The following BAG4 variants were observed in gnomAD, a reference collection of about 807,000 sequenced individuals.
The protein encoded by BAG4 is BAG cochaperone 4.
BAG4 carries 28 observed loss-of-function variants against 52.1 expected under a neutral mutation model. The observed-to-expected ratio is 0.54, with a 90% confidence interval of 0.40 to 0.74. The LOEUF (loss-of-function observed/expected upper bound fraction) is 0.74. Ranked by LOEUF, BAG4 falls within the 30% of genes least tolerant of loss-of-function variation. BAG4 has a pLI of 0.00. For missense variants in BAG4, 525 were observed against 572.0 expected, an observed-to-expected ratio of 0.92 and a Z score of 0.84; for synonymous variants, 208 against 217.0, an observed-to-expected ratio of 0.96 and a Z score of 0.37.
At chr8:38,205,311 A>G (rs982183615) in intron 2 of BAG4, among the ~76,000 whole-genome samples, 10 of 145,646 alleles carry the variant, frequency 6.9e-5, no homozygotes, top group Non-Finnish European at 1.3e-4. Flanking sequence ...TGGCTTCCCA[A>G]AACGCTGGGA....
At chr8:38,180,411 T>C (rs2130659203) in intron 1 of BAG4, among the ~76,000 whole-genome samples, 1 of 149,080 alleles carries the variant, frequency 6.7e-6, no homozygotes, top group Non-Finnish European at 1.5e-5. Context: ...TAATCCCAGC[T>C]ACTAGGGGCA....
At chr8:38,205,075 G>A (rs1803746238) in intron 2 of BAG4, among the ~76,000 whole-genome samples, 1 of 152,026 alleles carries the variant, frequency 6.6e-6, no homozygotes, top group South Asian at 2.1e-4. Flanking sequence ...CTGTCACCCA[G>A]GCTAGAGAAC....
chr8:38,191,991 T>G (rs1402080293), intron 1 of BAG4, among the ~76,000 whole-genome samples: 5 of 152,280 alleles, frequency 3.3e-5, no homozygotes, highest in African/African-American at 1.2e-4. Flanking sequence ...TTTGGATTGG[T>G]AAATGTTCTG....
chr8:38,179,680 C>T (rs1320232355), intron 1 of BAG4, among the ~76,000 whole-genome samples: 1 of 151,770 alleles, frequency 6.6e-6, no homozygotes, highest in Non-Finnish European at 1.5e-5. Context: ...GCAGGAGAAT[C>T]GCTTGAACCC....
At chr8:38,207,946 G>T (rs1403115758) in intron 3 of BAG4, among the ~76,000 whole-genome samples, 180 bp downstream of exon 3, 2 of 87,580 alleles carry the variant, frequency 2.3e-5, no homozygotes, top group African/African-American at 8.9e-5. Flanking sequence ...TTGGCTGAAG[G>T]TCATAATCAT....
intron 1 of BAG4, among the ~76,000 whole-genome samples, chr8:38,183,137 C>T (rs552664846): frequency 4.0e-5 from 6 of 151,422 alleles, no homozygotes; most frequent in Admixed American, 1.3e-4. Flanking sequence ...CTCCGCCTCC[C>T]GGGTTCATGC....
At chr8:38,180,789 A>G (rs1803251020) in intron 1 of BAG4, among the ~76,000 whole-genome samples, 1 of 152,156 alleles carries the variant, frequency 6.6e-6, no homozygotes, top group East Asian at 1.9e-4. Flanking sequence ...GCAATTTATT[A>G]AGATCCCCAG....
intron 1 of BAG4, among the ~76,000 whole-genome samples, chr8:38,181,361 G>A (rs1387565472): frequency 6.6e-6 from 1 of 150,824 alleles, no homozygotes; most frequent in Non-Finnish European, 1.5e-5. Context: ...AGGCTCCCAA[G>A]TAGCTGGGAT....
chr8:38,191,961 T>C (rs1803482345), intron 1 of BAG4, among the ~76,000 whole-genome samples: 1 of 152,166 alleles, frequency 6.6e-6, no homozygotes. Flanking sequence ...ATGAAATTAT[T>C]GTCGTAGCTA....
At chr8:38,194,103 C>T (rs1057308000) in intron 2 of BAG4, among the ~76,000 whole-genome samples, 1 of 152,052 alleles carries the variant, frequency 6.6e-6, no homozygotes, top group Non-Finnish European at 1.5e-5. Context: ...AACTCCTGAC[C>T]TCAGGTGATC....
Position 38,176,981 on chromosome 8 carries a change from C to A in BAG4, c.112C>A (p.Pro38Thr). Reference protein sequence around the residue: ...VPVHPPPPLYPLRPEPPQPPI... With the variant: ...VPVHPPPPLYTLRPEPPQPPI... ...GGTACACCCACCTCCACCCTTATAT[C>A]CTCTTCGCCCTGAACCTCCCCAGCC... Residue 38 changes from proline to threonine, a missense_variant, in exon 1 of 5, where the codon CCT (proline) becomes ACT (threonine). This residue lies in a region of BAG4 where 287 missense variants were observed against 266.1 expected (regional missense o/e 1.08). Transcript: ENST00000287322. 6.3e-7 allele frequency: 1 copy of A among 1,585,058 alleles called. No homozygotes were observed. Among genetic ancestry groups the A allele is most frequent in the Non-Finnish European group, 8.6e-7 (1 of 1,165,768 alleles).
At position 38,177,128 on chromosome 8, in the gene BAG4, G is replaced by A. The variant is rs923150151; in HGVS notation, c.259G>A (p.Gly87Arg). ...CTGGCCAGAGCCTGGTCGAGCCGGA[G>A]GAAGCCACCAGGTAAGCTTTGCACC... The part of the protein sequence containing the change: ...GAWPEPGRAG[G>R]SHQEQPPYPS... Residue 87 changes from glycine to arginine, a missense_variant, in exon 1 of 5, where the codon GGA becomes AGA. This residue lies in a region of BAG4 where 287 missense variants were observed against 266.1 expected (regional missense o/e 1.08). Transcript: ENST00000287322. The A allele has an allele frequency of 6.2e-6, 10 of 1,612,938 alleles. No individual in the cohort carries two copies. Among genetic ancestry groups the A allele is most frequent in the Non-Finnish European group, 8.5e-6 (10 of 1,179,904 alleles).
chr8:38,209,519 T>A, intron 4 of BAG4: 1 of 522,296 alleles, frequency 1.9e-6, no homozygotes, highest in Non-Finnish European at 3.3e-6. Context: ...TTGTTGTAAT[T>A]CTTCTAAACG....
At chr8:38,191,395 C>T (rs1257036604) in intron 1 of BAG4, among the ~76,000 whole-genome samples, 1 of 152,248 alleles carries the variant, frequency 6.6e-6, no homozygotes, top group Admixed American at 6.5e-5. Flanking sequence ...ATTTCAGCTG[C>T]CAATGAATTT....
Position 38,190,807 on chromosome 8 carries a change from G to T in BAG4, c.271-1881G>T, listed in dbSNP as rs150676012. Among the ~76,000 whole-genome samples, 77 of 149,486 alleles carry T rather than the reference G, an allele frequency of 5.2e-4. 1 individual carries two copies. In the East Asian group the frequency reaches 0.014, roughly 27 times the overall value. ...AGTCTCTGCTCTGTGGCCCAGGCTG[G>T]AGTGCAGTGGCATGATCTCTGCTCA... On this transcript the variant is annotated intron_variant, in intron 1 of 4. Coordinates refer to ENST00000287322, the MANE Select transcript of BAG4 (RefSeq NM_004874.4).
At chr8:38,200,426 G>T (rs1803641572) in intron 2 of BAG4, among the ~76,000 whole-genome samples, 1 of 152,114 alleles carries the variant, frequency 6.6e-6, no homozygotes, top group South Asian at 2.1e-4. Flanking sequence ...CTGTGGCTCT[G>T]AAGTAAAATT....
rs1554507585 is a variant in BAG4, at chr8:38,198,339, A to AG, written c.378+5544_378+5545insG. 8.8e-4 allele frequency among the ~76,000 whole-genome samples: 128 copies of AG among 145,944 alleles called. 2 individuals are homozygous for AG. The highest frequency in any genetic ancestry group is 2.6e-4 in the Non-Finnish European group (17 of 66,518). ...GCGGAGCTTGCAATGAACCGAGATC[A>AG]CGCCACTGCACTCCAGCCTGGGCAA... is the stretch of plus-strand genomic sequence containing the variant. On this transcript the variant is annotated intron_variant, in intron 2 of 4. Transcript: ENST00000287322.
rs377472074 is a variant in BAG4 at position 38,202,577 on chromosome 8, G to A, written c.379-4935G>A. On this transcript the variant is annotated intron_variant, in intron 2 of 4. Coordinates refer to ENST00000287322, the MANE Select transcript of BAG4 (RefSeq NM_004874.4). Reference sequence around the variant, plus strand: ...CGGCCCCCTTTTTTTTTTTTTTTCTGTTTCTCAGGCTGGAGTGCAATGGCA... The same window carrying A: ...CGGCCCCCTTTTTTTTTTTTTTTCTATTTCTCAGGCTGGAGTGCAATGGCA... Among the ~76,000 whole-genome samples, 241 of 122,434 alleles carry A rather than the reference G, an allele frequency of 2.0e-3. 2 individuals are homozygous for A. The highest frequency in any genetic ancestry group is 6.9e-3 in the African/African-American group (225 of 32,684). The allele number at this position is 122,434 out of a possible 152,430, so 80.3% of individuals were successfully genotyped here.
intron 1 of BAG4, among the ~76,000 whole-genome samples, chr8:38,181,470 C>G (rs891446209): frequency 1.1e-4 from 16 of 152,018 alleles, no homozygotes; most frequent in African/African-American, 3.6e-4. Flanking sequence ...GGTGCGGTGT[C>G]TCACGCCTGT....
Sources: gnomAD v4.1 joint callset for allele counts (sites outside exome capture counted in the v4.1 genomes callset) on GRCh38, gnomAD v4.1.1 for gene constraint, gnomAD v4.1.1 regional missense constraint, MANE v1.5 for transcripts, NCBI Gene and HGNC (gene_info 2026-07-23, HGNC 2026-07-21) for gene names.